Variants in MAGI2 observed in about 807,000 individuals in gnomAD.
MAGI2 encodes membrane-associated guanylate kinase, WW and PDZ domain-containing protein 2.
A neutral mutation model predicts 133.3 loss-of-function variants in MAGI2; 35 were observed. The ratio of observed to expected loss-of-function variants is 0.26; its 90% CI spans 0.20 to 0.35. The LOEUF is 0.35. Ranked by LOEUF, MAGI2 falls within the 10% of genes least tolerant of loss-of-function variation. MAGI2 has a pLI of 1.00. For missense variants in MAGI2, 1,636 were observed against 1,863.4 expected, an observed-to-expected ratio of 0.88 and a Z score of 2.25; for synonymous variants, 729 against 710.6, an observed-to-expected ratio of 1.03 and a Z score of -0.41.
intron 1 of MAGI2, among the ~76,000 whole-genome samples, chr7:79,158,001 T>C (rs1442075790): frequency 6.6e-6 from 1 of 151,028 alleles, no homozygotes; most frequent in Non-Finnish European, 1.5e-5. Context: ...TTATAAATTC[T>C]ATAATTTTAT....
intron 10 of MAGI2, among the ~76,000 whole-genome samples, chr7:78,226,302 A>C (rs1443860004): frequency 7.0e-6 from 1 of 142,124 alleles, no homozygotes; most frequent in East Asian, 2.1e-4. Context: ...GAGTGACTGC[A>C]GAAAGTATAC....
At chr7:78,629,718 T>C (rs556599131) in intron 2 of MAGI2, among the ~76,000 whole-genome samples, 3 of 83,318 alleles carry the variant, frequency 3.6e-5, no homozygotes, top group African/African-American at 1.2e-4. Context: ...TATGTGTGTC[T>C]TCTTGTCTCT....
In MAGI2 at chr7:78,828,816, T is replaced by A. The variant is rs201952259; in HGVS notation, c.418+178274A>T. Reference sequence around the variant, plus strand: ...ATTCTAAAATAAAAGATTTATTTTTTAAAAAGTAATTTCACACAGCCAAGT... The same window carrying A: ...ATTCTAAAATAAAAGATTTATTTTTAAAAAAGTAATTTCACACAGCCAAGT... On this transcript the variant is annotated intron_variant, in intron 2 of 21. Transcript: ENST00000354212. 2.2e-4 allele frequency among the ~76,000 whole-genome samples: 34 copies of A among 152,300 alleles called. No individual in the cohort carries two copies. The East Asian group carries it at 5.4e-3, about 24-fold the overall frequency.
At chr7:78,297,769 A>C (rs1037871974) in intron 9 of MAGI2, among the ~76,000 whole-genome samples, 1 of 146,986 alleles carries the variant, frequency 6.8e-6, no homozygotes, top group Non-Finnish European at 1.5e-5. Context: ...CATAGGTGGG[A>C]ATTGAACAGT....
rs146153368 is a variant in MAGI2, at chr7:78,625,877, T to A, written c.538+1243A>T. ...GGTTTGTAGCCTGGAAATAACAGAT[T>A]ACAGTACATAGCCTAGAATGTGTCA... On this transcript the variant is annotated intron_variant, in intron 3 of 21. Coordinates refer to ENST00000354212, the MANE Select transcript of MAGI2 (RefSeq NM_012301.4). Among the ~76,000 whole-genome samples, 234 of 152,314 alleles carry A rather than the reference T, an allele frequency of 1.5e-3. 3 individuals carry two copies. The highest frequency in any genetic ancestry group is 5.3e-3 in the African/African-American group (222 of 41,588).
At chr7:78,526,820 C>G (rs1360559524) in intron 3 of MAGI2, among the ~76,000 whole-genome samples, 2 of 151,612 alleles carry the variant, frequency 1.3e-5, no homozygotes, top group Non-Finnish European at 2.9e-5. Flanking sequence ...CCATCCTGGC[C>G]AACATGGTGA....
intron 1 of MAGI2, among the ~76,000 whole-genome samples, chr7:79,212,958 A>G (rs1172319230): frequency 6.6e-6 from 1 of 151,938 alleles, no homozygotes; most frequent in African/African-American, 2.4e-5. Context: ...TCCTTAACAC[A>G]TAAATTTACT....
chr7:79,439,844 A>G (rs1031541270), intron 1 of MAGI2, among the ~76,000 whole-genome samples: 1 of 152,094 alleles, frequency 6.6e-6, no homozygotes, highest in Non-Finnish European at 1.5e-5. Context: ...TTCTTCTTAC[A>G]GAACAATTAT....
chr7:78,928,716 T>C (rs111983339), intron 2 of MAGI2, among the ~76,000 whole-genome samples: 2,211 of 152,164 alleles, frequency 0.015, 51 homozygotes, highest in African/African-American at 0.051. Flanking sequence ...TATCTTCCCA[T>C]TGAAAATTTG....
chr7:79,444,342 A>G (rs1017741137), intron 1 of MAGI2, among the ~76,000 whole-genome samples: 2 of 152,142 alleles, frequency 1.3e-5, no homozygotes, highest in African/African-American at 4.8e-5. Context: ...GGAAATAAAG[A>G]GTATTCAATT....
intron 2 of MAGI2, among the ~76,000 whole-genome samples, chr7:78,917,391 G>A (rs1798885171): frequency 6.6e-6 from 1 of 152,014 alleles, no homozygotes; most frequent in Admixed American, 6.6e-5. Context: ...AGGGTTGAAT[G>A]TGGTCTCCCC....
intron 1 of MAGI2, among the ~76,000 whole-genome samples, chr7:79,210,784 A>T (rs893092436): frequency 3.3e-5 from 5 of 152,072 alleles, no homozygotes; most frequent in African/African-American, 1.2e-4. Flanking sequence ...ATTATATTTT[A>T]AAATAGCATT....
At chr7:78,421,219 C>T (rs1798766784) in intron 6 of MAGI2, among the ~76,000 whole-genome samples, 1 of 152,068 alleles carries the variant, frequency 6.6e-6, no homozygotes, top group Non-Finnish European at 1.5e-5. Flanking sequence ...GACTGGCTTT[C>T]CTGGCATAAA....
intron 2 of MAGI2, among the ~76,000 whole-genome samples, chr7:78,950,260 A>G (rs868808982): frequency 6.6e-6 from 1 of 152,166 alleles, no homozygotes. Context: ...CCCTGCTAAC[A>G]CATATCCCTA....
rs1563241907 is a variant in MAGI2, at chr7:79,453,278, C to T, written c.43G>A (p.Val15Ile). The change falls in exon 1 of 22, where the codon GTC (valine) becomes ATC (isoleucine). Residue 15 changes from valine to isoleucine, a missense_variant. Coordinates refer to ENST00000354212, the MANE Select transcript of MAGI2 (RefSeq NM_012301.4). ...LKKKSHWTSK[V>I]HESVIGRNPE... ...TTCCTGCCAATGACACTCTCATGGACTTTGCTAGTCCAGTGGCTTTTCTTT... is the reference window on the plus strand; with the variant it reads ...TTCCTGCCAATGACACTCTCATGGATTTTGCTAGTCCAGTGGCTTTTCTTT... The T allele has an allele frequency of 6.2e-7, 1 of 1,613,886 alleles. No homozygotes were observed. Among genetic ancestry groups the T allele is most frequent in the South Asian group, 1.1e-5 (1 of 91,068 alleles).
At chr7:78,460,644 A>G (rs1052402851) in intron 6 of MAGI2, among the ~76,000 whole-genome samples, 3 of 152,184 alleles carry the variant, frequency 2.0e-5, no homozygotes, top group African/African-American at 7.2e-5. Context: ...CTCCTTATTT[A>G]CAAAGGATAT....
In MAGI2 at chr7:79,199,079, A is replaced by G. The variant is rs904224686; in HGVS notation, c.302-191873T>C. ...GAAGTAAACAAATGACAAATTAAAC[A>G]TTACGAAATCCACAAACTATCTAAT... On this transcript the variant is annotated intron_variant, in intron 1 of 21. Transcript: ENST00000354212. 2.0e-5 allele frequency among the ~76,000 whole-genome samples: 3 copies of G among 152,070 alleles called. 1 individual carries two copies. The highest frequency in any genetic ancestry group is 7.3e-5 in the African/African-American group (3 of 41,330).
intron 2 of MAGI2, among the ~76,000 whole-genome samples, chr7:78,926,941 C>T (rs1799743250): frequency 6.6e-6 from 1 of 151,854 alleles, no homozygotes; most frequent in African/African-American, 2.4e-5. Flanking sequence ...CTAACCTTGG[C>T]CTGTCTTCCC....
chr7:78,905,725 T>C (rs2151602728), intron 2 of MAGI2, among the ~76,000 whole-genome samples: 1 of 152,306 alleles, frequency 6.6e-6, no homozygotes, highest in South Asian at 2.1e-4. Context: ...AAATCTCCTC[T>C]AATTTAATTT....
Sources: allele counts gnomAD v4.1 joint callset (sites outside exome capture counted in the v4.1 genomes callset), GRCh38; gene constraint gnomAD v4.1.1; transcripts MANE v1.5; gene names NCBI Gene and HGNC (gene_info 2026-07-23, HGNC 2026-07-21).